Variants in UMAD1 observed in about 807,000 individuals in gnomAD.
UMAD1 encodes UBAP1-MVB12-associated (UMA) domain containing 1.
Under a neutral mutation model 6.1 loss-of-function variants are expected in UMAD1, and 8 were observed. That is an observed-to-expected ratio of 1.30 (90% CI 0.76 to 2.35). The LOEUF is 2.35. UMAD1 is among the 30% of genes most tolerant of loss of function. The pLI is 0.00. For missense variants in UMAD1, 130 were observed against 78.4 expected, an observed-to-expected ratio of 1.66 and a Z score of -2.49; for synonymous variants, 56 against 31.4, an observed-to-expected ratio of 1.78 and a Z score of -2.61.
intron 2 of UMAD1, among the ~76,000 whole-genome samples, chr7:7,709,036 T>C (rs1226218783): frequency 6.6e-6 from 1 of 151,988 alleles, no homozygotes; most frequent in African/African-American, 2.4e-5. Flanking sequence ...AAAACAGTCC[T>C]AACTATTAAA....
intron 3 of UMAD1, among the ~76,000 whole-genome samples, chr7:7,838,201 T>G (rs955216822): frequency 6.6e-6 from 1 of 152,170 alleles, no homozygotes; most frequent in Non-Finnish European, 1.5e-5. Context: ...AGGGCGCATA[T>G]AGTCTGTTTT....
At chr7:7,767,845 T>A (rs1782020114) in intron 2 of UMAD1, among the ~76,000 whole-genome samples, 1 of 152,236 alleles carries the variant, frequency 6.6e-6, no homozygotes. Flanking sequence ...CCAAGCAAGC[T>A]GGCTCTTCAC....
chr7:7,698,865 CTT>C (rs1393268610), intron 2 of UMAD1, among the ~76,000 whole-genome samples: 6 of 147,738 alleles, frequency 4.1e-5, no homozygotes, highest in African/African-American at 1.0e-4. Context: ...AACTCACCCT[CTT>C]GTCTTTTTTT....
intron 3 of UMAD1, among the ~76,000 whole-genome samples, chr7:7,822,062 A>G (rs147161251): frequency 1.5e-3 from 223 of 152,250 alleles, no homozygotes; most frequent in African/African-American, 5.0e-3. Context: ...CCAAAGCAAA[A>G]CCTACATATG....
At chr7:7,645,805 T>C (rs1372163984) in intron 1 of UMAD1, among the ~76,000 whole-genome samples, 1 of 141,610 alleles carries the variant, frequency 7.1e-6, no homozygotes, top group Admixed American at 7.3e-5. Flanking sequence ...TTTGCTGTTG[T>C]TTTTGTTTAG....
chr7:7,724,121 C>A lies in UMAD1; in HGVS notation c.82+50668C>A, dbSNP rs1781097940. Among the ~76,000 whole-genome samples the A allele has an allele frequency of 2.0e-5, 3 of 152,236 alleles. No individual in the cohort carries two copies. In the South Asian group the frequency reaches 6.2e-4, roughly 32 times the overall value. On this transcript the variant is annotated intron_variant, in intron 2 of 3. Transcript: ENST00000682710. ...TTATGCTGTTAATCTTTCTCCCATC[C>A]TCCCCCAAGGAGACCTCCAGCCTTT...
chr7:7,834,670 C>T (rs567622605), intron 3 of UMAD1, among the ~76,000 whole-genome samples: 61 of 152,016 alleles, frequency 4.0e-4, no homozygotes, highest in Non-Finnish European at 7.5e-4. Flanking sequence ...CAAATCCCAT[C>T]ATGAGGGCCC....
At chr7:7,695,472 T>G (rs941251907) in intron 2 of UMAD1, among the ~76,000 whole-genome samples, 1 of 152,248 alleles carries the variant, frequency 6.6e-6, no homozygotes, top group Non-Finnish European at 1.5e-5. Context: ...CATTTAATTT[T>G]TATTACATGT....
At chr7:7,735,872 A>G (rs1452538767) in intron 2 of UMAD1, 1 of 152,180 alleles carries the variant, frequency 6.6e-6, no homozygotes, top group African/African-American at 2.4e-5. Context: ...TTGCTATAGG[A>G]ATTGTGTTTC....
At chr7:7,811,073 A>G (rs1783012583) in intron 3 of UMAD1, among the ~76,000 whole-genome samples, 2 of 152,082 alleles carry the variant, frequency 1.3e-5, no homozygotes. Flanking sequence ...ATAAAGGCAT[A>G]TTTTCCCCCG....
chr7:7,870,532 A>G (rs2115340361), intron 3 of UMAD1, among the ~76,000 whole-genome samples: 1 of 152,300 alleles, frequency 6.6e-6, no homozygotes, highest in Non-Finnish European at 1.5e-5. Context: ...GCAAATGAAA[A>G]AAATCACAAG....
chr7:7,863,658 G>C (rs1227338246), intron 3 of UMAD1, among the ~76,000 whole-genome samples: 1 of 152,074 alleles, frequency 6.6e-6, no homozygotes, highest in East Asian at 1.9e-4. Flanking sequence ...CTAATAAAGG[G>C]CACTCTTTTT....
chr7:7,784,439 C>T (rs577036687), intron 2 of UMAD1, among the ~76,000 whole-genome samples: 10 of 151,570 alleles, frequency 6.6e-5, no homozygotes, highest in African/African-American at 2.4e-4. Context: ...GGGTTCACGC[C>T]CTTCTCCTGC....
At chr7:7,642,462 A>G (rs1414073317) in intron 1 of UMAD1, among the ~76,000 whole-genome samples, 1 of 81,754 alleles carries the variant, frequency 1.2e-5, no homozygotes, top group African/African-American at 4.9e-5. Context: ...CGTACCCTGT[A>G]ATAGTGATTT....
intron 2 of UMAD1, among the ~76,000 whole-genome samples, chr7:7,726,813 C>T (rs551235664): frequency 6.6e-6 from 1 of 152,274 alleles, no homozygotes; most frequent in African/African-American, 2.4e-5. Flanking sequence ...ACCTTTAAGT[C>T]AACAGTCTAA....
At chr7:7,753,816 G>A (rs1350074549) in intron 2 of UMAD1, among the ~76,000 whole-genome samples, 2 of 152,078 alleles carry the variant, frequency 1.3e-5, no homozygotes, top group African/African-American at 2.4e-5. Flanking sequence ...GGATCATATG[G>A]TAGCTCTATT....
intron 2 of UMAD1, among the ~76,000 whole-genome samples, chr7:7,682,934 T>G (rs1779948331): frequency 6.6e-6 from 1 of 152,234 alleles, no homozygotes; most frequent in Non-Finnish European, 1.5e-5. Flanking sequence ...TTTCAGTCAC[T>G]GTTACCTGAT....
chr7:7,816,122 G>T (rs1299470528), intron 3 of UMAD1, among the ~76,000 whole-genome samples: 2 of 152,140 alleles, frequency 1.3e-5, no homozygotes, highest in African/African-American at 4.8e-5. Flanking sequence ...GACGAGGTAG[G>T]CAATATTATC....
intron 3 of UMAD1, among the ~76,000 whole-genome samples, chr7:7,876,581 T>C (rs929570): frequency 0.8 from 122,315 of 152,152 alleles, 49,479 homozygotes; most frequent in African/African-American, 0.88. Context: ...TGTAAAGAAA[T>C]TGAACAAGAT....
Sources: allele counts gnomAD v4.1 joint callset (sites outside exome capture counted in the v4.1 genomes callset), GRCh38; gene constraint gnomAD v4.1.1; transcripts MANE v1.5; gene names NCBI Gene and HGNC (gene_info 2026-07-23, HGNC 2026-07-21).